The following CRACD variants were observed in gnomAD, a reference collection of about 807,000 sequenced individuals.
The protein encoded by CRACD is capping protein-inhibiting regulator of actin dynamics.
CRACD carries 56 observed loss-of-function variants against 106.8 expected under a neutral mutation model. That is an observed-to-expected ratio of 0.52 (90% CI 0.42 to 0.66). The LOEUF is 0.66. CRACD is among the 30% of genes least tolerant of loss of function. The pLI, the probability that CRACD is intolerant of heterozygous loss-of-function variation, is 0.00. For synonymous variants in CRACD, 754 were observed against 670.8 expected, an observed-to-expected ratio of 1.12 and a Z score of -1.92; for missense variants, 1,730 against 1,623.2, an observed-to-expected ratio of 1.07 and a Z score of -1.13.
At chr4:56,077,441 C>T (rs1333247818) in intron 1 of CRACD, among the ~76,000 whole-genome samples, 3 of 152,276 alleles carry the variant, frequency 2.0e-5, no homozygotes, top group East Asian at 1.9e-4. Flanking sequence ...ATTATGTATA[C>T]GTGCACATTT....
At chr4:56,173,839 C>T (rs1304276385) in intron 1 of CRACD, among the ~76,000 whole-genome samples, 1 of 152,148 alleles carries the variant, frequency 6.6e-6, no homozygotes, top group East Asian at 1.9e-4. Flanking sequence ...TTCCTACCAA[C>T]AGGGTACAAG....
intron 1 of CRACD, among the ~76,000 whole-genome samples, chr4:56,155,293 C>T (rs770153941): frequency 3.3e-5 from 5 of 152,238 alleles, no homozygotes; most frequent in Admixed American, 3.3e-4. Context: ...TTTGACATTG[C>T]GTATTTCATG....
chr4:56,287,272 G>A (rs1335719531), intron 3 of CRACD, among the ~76,000 whole-genome samples: 4 of 134,016 alleles, frequency 3.0e-5, no homozygotes, highest in Non-Finnish European at 5.0e-5. Context: ...CTGCAAATGT[G>A]CAGCACTATA....
chr4:56,131,488 TG>T (rs34383781), intron 1 of CRACD, among the ~76,000 whole-genome samples: 40,985 of 151,968 alleles, frequency 0.27, 5,764 homozygotes, highest in East Asian at 0.45. Flanking sequence ...CCCATGAAGG[TG>T]GAACAATAAA....
chr4:56,272,075 G>A (rs979517267), intron 2 of CRACD, among the ~76,000 whole-genome samples: 3 of 152,216 alleles, frequency 2.0e-5, no homozygotes, highest in Non-Finnish European at 4.4e-5. Context: ...CTCCCCAGAT[G>A]TTTCTTGGGA....
At chr4:56,323,670 A>G in intron 9 of CRACD, 103 bp downstream of exon 9, 1 of 1,134,096 alleles carries the variant, frequency 8.8e-7, no homozygotes, top group African/African-American at 1.6e-5. Flanking sequence ...GGTGGAAAGT[A>G]CTTAGAGAGG....
intron 6 of CRACD, 87 bp from the exon 7 acceptor site, chr4:56,313,110 C>A: frequency 8.2e-7 from 1 of 1,217,490 alleles, no homozygotes; most frequent in Non-Finnish European, 1.2e-6. Context: ...GGGCGAGGCG[C>A]ACACTGGAAC....
At chr4:56,224,943 C>T (rs1037077716) in intron 2 of CRACD, among the ~76,000 whole-genome samples, 7 of 152,310 alleles carry the variant, frequency 4.6e-5, no homozygotes, top group African/African-American at 1.7e-4. Flanking sequence ...GGTAAAAGAT[C>T]TGGAGAGGGT....
At chr4:56,281,906 C>T (rs1412809576) in intron 3 of CRACD, among the ~76,000 whole-genome samples, 8 of 152,162 alleles carry the variant, frequency 5.3e-5, no homozygotes, top group African/African-American at 2.4e-5. Flanking sequence ...AACTTTCCTC[C>T]TCTTCCTTGA....
At chr4:56,133,076 C>A (rs1577683509) in intron 1 of CRACD, among the ~76,000 whole-genome samples, 1 of 152,164 alleles carries the variant, frequency 6.6e-6, no homozygotes, top group African/African-American at 2.4e-5. Context: ...TTTGCACCCT[C>A]GCTGAGTCAC....
intron 2 of CRACD, among the ~76,000 whole-genome samples, chr4:56,182,879 G>GTGTGTGTGTGTC (rs1736898738): frequency 6.6e-6 from 1 of 151,402 alleles, no homozygotes; most frequent in South Asian, 2.1e-4. Flanking sequence ...GTGTGTGTGT[G>GTGTGTGTGTGTC]TGTGTGTGTG....
At chr4:56,052,822 G>A (rs1731921346) in intron 1 of CRACD, among the ~76,000 whole-genome samples, 1 of 152,084 alleles carries the variant, frequency 6.6e-6, no homozygotes, top group Non-Finnish European at 1.5e-5. Context: ...GTTTTCTGAT[G>A]TTCCCTCATA....
chr4:56,310,556 A>G (rs60688876), intron 5 of CRACD, 110 bp from the exon 6 acceptor site: 60,080 of 748,476 alleles, frequency 0.08, 3,254 homozygotes, highest in East Asian at 0.23. Context: ...GGCCAGCTGC[A>G]CCCCTGTGTA....
intron 1 of CRACD, among the ~76,000 whole-genome samples, chr4:56,073,732 CT>C (rs1732742320): frequency 6.6e-6 from 1 of 152,116 alleles, no homozygotes; most frequent in Admixed American, 6.5e-5. Context: ...TCAATTTTGG[CT>C]TTTGTTGCCA....
At chr4:56,251,108 G>A (rs887345150) in intron 2 of CRACD, among the ~76,000 whole-genome samples, 2 of 152,138 alleles carry the variant, frequency 1.3e-5, no homozygotes, top group Non-Finnish European at 2.9e-5. Context: ...TACCCTGATG[G>A]CATATAAATA....
At chr4:56,293,214 G>A (rs1743797986) in intron 3 of CRACD, among the ~76,000 whole-genome samples, 1 of 152,190 alleles carries the variant, frequency 6.6e-6, no homozygotes, top group East Asian at 1.9e-4. Flanking sequence ...TATGTGGCTT[G>A]TAGTTAAAAG....
intron 2 of CRACD, among the ~76,000 whole-genome samples, chr4:56,231,110 A>T: frequency 6.6e-6 from 1 of 151,954 alleles, no homozygotes; most frequent in African/African-American, 2.4e-5. Context: ...AAAGAGAATC[A>T]CTCTTACACT....
intron 2 of CRACD, among the ~76,000 whole-genome samples, chr4:56,256,367 C>T (rs1741360334): frequency 6.6e-6 from 1 of 152,216 alleles, no homozygotes; most frequent in Admixed American, 6.5e-5. Flanking sequence ...GCCTCCCCAG[C>T]CCCATGGAAC....
chr4:56,220,746 T>C (rs926739568), intron 2 of CRACD, among the ~76,000 whole-genome samples: 4 of 152,142 alleles, frequency 2.6e-5, no homozygotes, highest in Admixed American at 1.3e-4. Context: ...TATGGTACAC[T>C]GTGACATGCA....
Sources: allele counts gnomAD v4.1 joint callset (sites outside exome capture counted in the v4.1 genomes callset), GRCh38; gene constraint gnomAD v4.1.1; transcripts MANE v1.5; gene names NCBI Gene and HGNC (gene_info 2026-07-23, HGNC 2026-07-21).